SLC20A2: variants seen among roughly 807,000 people sequenced by gnomAD.
The protein encoded by SLC20A2 is sodium-dependent phosphate transporter 2.
SLC20A2 carries 30 observed loss-of-function variants against 61.0 expected under a neutral mutation model. That is an observed-to-expected ratio of 0.49 (90% confidence interval 0.37 to 0.67). The LOEUF (loss-of-function observed/expected upper bound fraction) is 0.67. Ranked by LOEUF, SLC20A2 falls within the 30% of genes least tolerant of loss-of-function variation. The probability of loss-of-function intolerance (pLI) is 0.00; values close to 1 mark genes in which losing one functional copy is unlikely to be tolerated. For synonymous variants in SLC20A2, 351 were observed against 353.3 expected, an observed-to-expected ratio of 0.99 and a Z score of 0.07; for missense variants, 626 against 866.4, an observed-to-expected ratio of 0.72 and a Z score of 3.48.
upstream of SLC20A2, among the ~76,000 whole-genome samples, chr8:42,503,220 TAGTG>T (rs1477950178): frequency 6.6e-6 from 1 of 152,240 alleles, no homozygotes; most frequent in Non-Finnish European, 1.5e-5. Flanking sequence ...TCCTTTTCAT[TAGTG>T]AAACTACTTG....
chr8:42,462,886 G>T, intron 4 of SLC20A2, 119 bp downstream of exon 4: 1 of 564,936 alleles, frequency 1.8e-6, no homozygotes, highest in Non-Finnish European at 3.1e-6. Context: ...ACTGCAGGGT[G>T]CTGTGCCTTG....
rs147179226 is a variant in SLC20A2, at chr8:42,488,828, C to G, written c.-265+12203G>C. Among the ~76,000 whole-genome samples the G allele has an allele frequency of 8.4e-3, 1,267 of 151,294 alleles. 21 individuals are homozygous for G. Among genetic ancestry groups the G allele is most frequent in the African/African-American group, 0.029 (1,205 of 41,184 alleles). ...GTGATATTGGGCATCTTTTCACATG[C>G]TTGTTGGCCATGTGTATTGTCTTCT... is the stretch of plus-strand genomic sequence containing the variant. On this transcript the variant is annotated intron_variant, in intron 1 of 10. Transcript: ENST00000520262.
intron 10 of SLC20A2, among the ~76,000 whole-genome samples, chr8:42,423,614 A>C (rs569872844): frequency 1.4e-4 from 22 of 152,336 alleles, no homozygotes; most frequent in African/African-American, 5.3e-4. Context: ...CATATTTATT[A>C]ATTATGCTGT....
At chr8:42,465,232 A>AT (rs1234256607) in intron 3 of SLC20A2, among the ~76,000 whole-genome samples, 1 of 151,014 alleles carries the variant, frequency 6.6e-6, no homozygotes, top group Non-Finnish European at 1.5e-5. Context: ...TAATTTTTGT[A>AT]TTTTTGTAGA....
At chr8:42,525,120 A>C (rs1283174065) in intron 1 of SLC20A2, among the ~76,000 whole-genome samples, 2 of 152,168 alleles carry the variant, frequency 1.3e-5, no homozygotes, top group Non-Finnish European at 2.9e-5. Flanking sequence ...TGTGATCTCA[A>C]AGCAGCTCTT....
In SLC20A2 at chr8:42,527,490, G is replaced by A. The variant is rs529592518; in HGVS notation, c.-265+14331C>T. Among the ~76,000 whole-genome samples, 10 of 151,934 alleles carry A rather than the reference G, an allele frequency of 6.6e-5. No homozygotes were observed. In the South Asian group the frequency reaches 2.1e-3, roughly 32 times the overall value. ...AAAAACAGTTCATTTTTAAAAATGG[G>A]GAAAAGGCCGGATGCAGTGGCTCAC... is the stretch of plus-strand genomic sequence containing the variant. On this transcript the variant is annotated intron_variant, in intron 1 of 10. Transcript: ENST00000342228.
chr8:42,419,651 C>T (rs1585972801), intron 10 of SLC20A2: 6 of 922,686 alleles, frequency 6.5e-6, no homozygotes, highest in African/African-American at 1.8e-5. Context: ...GCTCTTTCCT[C>T]TCCCAACGTG....
upstream of SLC20A2, among the ~76,000 whole-genome samples, chr8:42,501,677 C>T (rs1326902640): frequency 6.6e-6 from 1 of 152,232 alleles, no homozygotes; most frequent in African/African-American, 2.4e-5. Context: ...GAACTGATTG[C>T]AGGGACTTGC....
chr8:42,541,021 A>G (rs1813085607), intron 1 of SLC20A2: 1 of 152,222 alleles, frequency 6.6e-6, no homozygotes, highest in African/African-American at 2.4e-5. Flanking sequence ...TGGAGAACAG[A>G]CGCTTTCTTA....
At chr8:42,434,951 T>C (rs920142611) in intron 8 of SLC20A2, among the ~76,000 whole-genome samples, 3 of 152,138 alleles carry the variant, frequency 2.0e-5, no homozygotes, top group African/African-American at 4.8e-5. Context: ...AGTGTGTGAA[T>C]GTTAGAGAAT....
chr8:42,508,306 C>T (rs1810834239), intron 1 of SLC20A2, among the ~76,000 whole-genome samples: 1 of 152,216 alleles, frequency 6.6e-6, no homozygotes, highest in South Asian at 2.1e-4. Flanking sequence ...TATTGAGACC[C>T]TATCTCCATT....
intron 1 of SLC20A2, among the ~76,000 whole-genome samples, chr8:42,509,828 G>C (rs927227337): frequency 1.3e-5 from 2 of 152,190 alleles, no homozygotes; most frequent in Non-Finnish European, 2.9e-5. Flanking sequence ...ATGGCCACTA[G>C]CTTCAAAACA....
At position 42,490,913 on chromosome 8, in the gene SLC20A2, G is replaced by A. The variant is rs7838599; in HGVS notation, c.-265+10118C>T. Among the ~76,000 whole-genome samples, 621 of 150,488 alleles carry A rather than the reference G, an allele frequency of 4.1e-3. 7 individuals carry two copies. The highest frequency in any genetic ancestry group is 0.014 in the African/African-American group (593 of 41,400). On this transcript the variant is annotated intron_variant, in intron 1 of 10. Transcript: ENST00000520262. ...TTTTAAAAACCTTTATAACAGATGA[G>A]CTCTTTTATAACTCCTAACACCTAC...
chr8:42,529,526 G>A (rs1812197890), intron 1 of SLC20A2, among the ~76,000 whole-genome samples: 1 of 88,850 alleles, frequency 1.1e-5, no homozygotes, highest in Non-Finnish European at 2.3e-5. Flanking sequence ...ACTATTAATA[G>A]CATAGTAAAT....
chr8:42,504,862 A>AAAAAAAAAAAAAAAG (rs1810556022), upstream of SLC20A2, among the ~76,000 whole-genome samples: 1 of 128,936 alleles, frequency 7.8e-6, no homozygotes, highest in Non-Finnish European at 1.7e-5. Context: ...CAAAAAAAAA[A>AAAAAAAAAAAAAAAG]AAAAAAAAAA....
chr8:42,471,109 G>A (rs1247498964), intron 2 of SLC20A2: 1 of 455,042 alleles, frequency 2.2e-6, no homozygotes, highest in Non-Finnish European at 4.4e-6. Context: ...ATGTCCTGTT[G>A]AAAGCAGAAG....
intron 1 of SLC20A2, among the ~76,000 whole-genome samples, chr8:42,485,515 G>T (rs926262939): frequency 6.6e-6 from 1 of 151,354 alleles, no homozygotes; most frequent in African/African-American, 2.4e-5. Flanking sequence ...AGTGGCGGGC[G>T]CCTGTAATCC....
At chr8:42,526,571 G>A (rs193084018) in intron 1 of SLC20A2, among the ~76,000 whole-genome samples, 1 of 151,802 alleles carries the variant, frequency 6.6e-6, no homozygotes, top group Admixed American at 6.6e-5. Flanking sequence ...TACTCGGGAG[G>A]CTGAGCCAGG....
intron 2 of SLC20A2, among the ~76,000 whole-genome samples, chr8:42,467,456 A>C (rs1026611552): frequency 2.0e-5 from 3 of 152,228 alleles, no homozygotes; most frequent in Non-Finnish European, 4.4e-5. Context: ...TAGGGGAACA[A>C]AGGGCCTGGC....
Sources: allele counts gnomAD v4.1 joint callset (sites outside exome capture counted in the v4.1 genomes callset), GRCh38; gene constraint gnomAD v4.1.1; transcripts MANE v1.5; gene names NCBI Gene and HGNC (gene_info 2026-07-23, HGNC 2026-07-21).